The following MDN1 variants were observed in gnomAD, a reference collection of about 807,000 sequenced individuals.
The protein encoded by MDN1 is midasin AAA ATPase 1.
Under a neutral mutation model 669.2 loss-of-function variants are expected in MDN1, and 266 were observed. The observed-to-expected ratio is 0.40, with a 90% CI of 0.36 to 0.44. The LOEUF is 0.44. Among genes scored for constraint, MDN1 ranks in the 20% least tolerant of loss-of-function variants. The pLI, the probability that MDN1 is intolerant of heterozygous loss-of-function variation, is 1.00. For synonymous variants in MDN1, 2,385 were observed against 2,457.1 expected (o/e 0.97, Z 0.87); for missense variants, 5,940 against 6,754.0 (o/e 0.88, Z 4.22).
chr6:89,666,107 G>C (rs1405063343), intron 84 of MDN1, among the ~76,000 whole-genome samples: 3 of 152,152 alleles, frequency 2.0e-5, no homozygotes, highest in African/African-American at 4.8e-5. Context: ...GCCTCTCAAA[G>C]AATGACTACC....
intron 40 of MDN1, 149 bp downstream of exon 40, chr6:89,722,806 A>G: frequency 1.5e-6 from 1 of 670,786 alleles, no homozygotes; most frequent in Non-Finnish European, 2.4e-6. Context: ...AGATTATGCC[A>G]TTGCACTCCA....
rs750828397 is a variant in MDN1 at position 89,762,528 on chromosome 6, T to C, written c.2147A>G (p.Tyr716Cys). The C allele has an allele frequency of 7.5e-6, 12 of 1,607,418 alleles. No individual in the cohort carries two copies. The highest frequency in any genetic ancestry group is 1.0e-5 in the Non-Finnish European group (12 of 1,175,276). The change falls in exon 16 of 102, where the codon TAT becomes TGT. Residue 716 changes from tyrosine to cysteine, a missense_variant and splice_region_variant. Physicochemically the swap from Tyr to Cys is radical, Grantham distance 194. Around this residue, in one of 5 missense-constraint regions of MDN1, gnomAD observed 1,203 missense variants for 1,268.9 expected, o/e 0.95. Transcript: ENST00000369393. ...AATAAGCTTATGGTCCACCGGTTTA[T>C]AACTGAAACAGACACAGGTAAATGT... ...QSDTADLLGG[Y>C]KPVDHKLIWL...
At chr6:89,664,366 A>T in intron 85 of MDN1, 121 bp downstream of exon 85, 1 of 1,255,984 alleles carries the variant, frequency 8.0e-7, no homozygotes, top group Non-Finnish European at 1.1e-6. Context: ...ATTTGCACTT[A>T]AGCACAGTAA....
rs142309513 is a variant in MDN1 at position 89,776,646 on chromosome 6, T to C, written c.1775A>G (p.Lys592Arg). ...TTTGCTTCCAATAACTTCTGCCATTTTCAGTTTGCTTGTATGCTCAGAAAG... is the reference window on the plus strand; with the variant it reads ...TTTGCTTCCAATAACTTCTGCCATTCTCAGTTTGCTTGTATGCTCAGAAAG... ...AMLSEHTSKL[K>R]MAEVIGSKLN... The change falls in exon 12 of 102, where the codon AAA becomes AGA. Residue 592 changes from lysine (K) to arginine (R), a missense_variant. By Grantham distance (26) the Lys-to-Arg change is conservative. Around this residue, in one of 5 missense-constraint regions of MDN1, gnomAD observed 1,203 missense variants for 1,268.9 expected, o/e 0.95. Transcript: ENST00000369393. 3.1e-6 allele frequency: 5 copies of C among 1,613,508 alleles called. No individual in the cohort carries two copies. The highest frequency in any genetic ancestry group is 4.2e-6 in the Non-Finnish European group (5 of 1,179,592).
In MDN1 at chr6:89,758,366, T is replaced by C. The variant is rs1817362154; in HGVS notation, c.2606-15A>G. 6.3e-7 allele frequency: 1 copy of C among 1,580,152 alleles called. No homozygotes were observed. Among genetic ancestry groups the C allele is most frequent in the African/African-American group, 1.3e-5 (1 of 74,430 alleles). On this transcript the variant is annotated splice_polypyrimidine_tract_variant and intron_variant, in intron 18 of 101. Coordinates refer to ENST00000369393, the MANE Select transcript of MDN1 (RefSeq NM_014611.3). ...AACCAGTGGCTCTGTTAAGAGAAAA[T>C]TACAAATTCTCAACAAAGGTATGAT...
chr6:89,782,045 TC>T (rs1047381820), intron 9 of MDN1, among the ~76,000 whole-genome samples: 7 of 151,974 alleles, frequency 4.6e-5, no homozygotes, highest in African/African-American at 1.7e-4. Context: ...AATAAGAACT[TC>T]CCCCTTACTC....
At position 89,658,361 on chromosome 6, in the gene MDN1, C is replaced by T; in HGVS notation, c.15031G>A (p.Glu5011Lys). Residue 5011 changes from glutamate to lysine, a missense_variant, in exon 90 of 102, where the codon GAA becomes AAA. By Grantham distance (56) the Glu-to-Lys change is moderately conservative. Around this residue, in one of 5 missense-constraint regions of MDN1, gnomAD observed 2,280 missense variants for 2,576.3 expected, o/e 0.88. Transcript: ENST00000369393. Reference protein sequence around the residue: ...DQGFQPQEEEEREDSDTEEQV... With the variant: ...DQGFQPQEEEKREDSDTEEQV... ...TCCTCTGTATCAGAGTCCTCCCGTT[C>T]TTCTTCCTCCTTCGGCAGAGAAATC... 6.2e-7 allele frequency: 1 copy of T among 1,614,130 alleles called. No individual in the cohort carries two copies. Among genetic ancestry groups the T allele is most frequent in the Non-Finnish European group, 8.5e-7 (1 of 1,180,028 alleles).
rs527549992 is a variant in MDN1, at chr6:89,690,023, T to G, written c.10870A>C (p.Met3624Leu). ...AGACACAATTGCTGGTGTATCAGCA[T>G]TACTGCCTGCATTGAATTCTGGGAG... ...LLSQNSMQAV[M>L]LIHQQLCLNF... is the part of the protein sequence containing the mutation. The change falls in exon 65 of 102, where the codon ATG becomes CTG. Residue 3624 changes from methionine to leucine, a missense_variant. This residue lies in a region of MDN1 where 2,280 missense variants were observed against 2,576.3 expected (regional missense o/e 0.88). Coordinates refer to ENST00000369393, the MANE Select transcript of MDN1 (RefSeq NM_014611.3). 2 of 1,614,208 alleles carry G rather than the reference T, an allele frequency of 1.2e-6. No individual in the cohort carries two copies. Among genetic ancestry groups the G allele is most frequent in the African/African-American group, 2.7e-5 (2 of 75,050 alleles).
chr6:89,690,766 C>T lies in MDN1; in HGVS notation c.10656G>A (p.Leu3552=). 6.2e-7 allele frequency: 1 copy of T among 1,614,180 alleles called. No homozygotes were observed. The highest frequency in any genetic ancestry group is 8.5e-7 in the Non-Finnish European group (1 of 1,180,028). ...AQEKAEQESG[L]YRYRSRNSRT... ...TAGAGTTCCTGCTCCTGTATCTATA[C>T]AGGCCGCTTTCCTGCTCAGCCTTCT... Residue 3552 remains leucine, a synonymous_variant, in exon 64 of 102, where the codon CTG becomes CTA. Transcript: ENST00000369393.
chr6:89,709,532 C>T (rs917550114), intron 50 of MDN1, among the ~76,000 whole-genome samples: 1 of 152,206 alleles, frequency 6.6e-6, no homozygotes, highest in African/African-American at 2.4e-5. Flanking sequence ...CTTAGTTCAG[C>T]CACAACTTGA....
intron 70 of MDN1, among the ~76,000 whole-genome samples, chr6:89,685,447 G>C (rs1483490099): frequency 2.0e-5 from 3 of 152,120 alleles, no homozygotes; most frequent in Non-Finnish European, 4.4e-5. Flanking sequence ...ACAGCGGGCA[G>C]TTTTAGATGC....
chr6:89,784,224 T>C lies in MDN1; in HGVS notation c.1449+788A>G, dbSNP rs1584366439. Reference sequence around the variant, plus strand: ...CCCAGGTACTTGGGAGGCTAAGGCATGAGAATTGCTTGAACCAGGAGGCAG... The same window carrying C: ...CCCAGGTACTTGGGAGGCTAAGGCACGAGAATTGCTTGAACCAGGAGGCAG... On this transcript the variant is annotated intron_variant, in intron 9 of 101. Coordinates refer to ENST00000369393, the MANE Select transcript of MDN1 (RefSeq NM_014611.3). 3.3e-5 allele frequency among the ~76,000 whole-genome samples: 5 copies of C among 151,694 alleles called. No individual in the cohort carries two copies. In the South Asian group the frequency reaches 8.3e-4, roughly 25 times the overall value.
At chr6:89,765,308 C>A (rs1177976333) in intron 15 of MDN1, among the ~76,000 whole-genome samples, 1 of 151,954 alleles carries the variant, frequency 6.6e-6, no homozygotes, top group Non-Finnish European at 1.5e-5. Context: ...TTTAAAGGAT[C>A]ATTGTAACTC....
chr6:89,740,164 A>G (rs1816206223), intron 32 of MDN1, 70 bp downstream of exon 32: 5 of 1,523,144 alleles, frequency 3.3e-6, no homozygotes, highest in Non-Finnish European at 3.6e-6. Flanking sequence ...ATTATTACAT[A>G]CTATATTTAC....
At chr6:89,710,190 C>T (rs909225979) in intron 50 of MDN1, among the ~76,000 whole-genome samples, 2 of 152,158 alleles carry the variant, frequency 1.3e-5, no homozygotes, top group African/African-American at 4.8e-5. Context: ...GGGTGGAAGG[C>T]ACCTCAGAGA....
At chr6:89,672,170 G>A in intron 82 of MDN1, 30 bp downstream of exon 82, 2 of 1,543,002 alleles carry the variant, frequency 1.3e-6, no homozygotes, top group African/African-American at 1.4e-5. Flanking sequence ...ATTCTGAAGA[G>A]GAAGAAGTTT....
At position 89,698,538 on chromosome 6, in the gene MDN1, G is replaced by T. The variant is rs374976896; in HGVS notation, c.9168+327C>A. Among the ~76,000 whole-genome samples the T allele has an allele frequency of 6.6e-5, 10 of 152,264 alleles. No homozygotes were observed. The East Asian group carries it at 1.2e-3, about 18-fold the overall frequency. On this transcript the variant is annotated intron_variant, in intron 59 of 101. Coordinates refer to ENST00000369393, the MANE Select transcript of MDN1 (RefSeq NM_014611.3). The stretch of plus-strand genomic sequence containing the variant: ...AAATATATGTAAACAGAAGGATATA[G>T]AACAGAGTGGATATTTCTAATGAAT...
At chr6:89,651,725 A>G (rs1197470524) in intron 95 of MDN1, among the ~76,000 whole-genome samples, 1 of 152,240 alleles carries the variant, frequency 6.6e-6, no homozygotes, top group Admixed American at 6.5e-5. Flanking sequence ...GAATACATAT[A>G]TGTGGTGGGA....
Position 89,705,547 on chromosome 6 carries a change from A to C in MDN1, c.8148+512T>G, listed in dbSNP as rs1346405904. 2.6e-5 allele frequency among the ~76,000 whole-genome samples: 4 copies of C among 152,220 alleles called. No individual in the cohort carries two copies. In the East Asian group the frequency reaches 5.8e-4, roughly 22 times the overall value. ...AACTGTAGTAGATCCACACAATGGA[A>C]TACTACTCAGCAATAAAGAGGAATG... On this transcript the variant is annotated intron_variant, in intron 53 of 101. Transcript: ENST00000369393.
Sources: gnomAD v4.1 joint callset for allele counts (sites outside exome capture counted in the v4.1 genomes callset) on GRCh38, gnomAD v4.1.1 for gene constraint, gnomAD v4.1.1 regional missense constraint, MANE v1.5 for transcripts, NCBI Gene and HGNC (gene_info 2026-07-23, HGNC 2026-07-21) for gene names.